The following TNIK variants were observed in gnomAD, a reference collection of about 807,000 sequenced individuals.
TNIK encodes the protein TRAF2 and NCK interacting kinase.
A neutral mutation model predicts 191.3 loss-of-function variants in TNIK; 49 were observed. The observed-to-expected ratio is 0.26, with a 90% CI of 0.20 to 0.32. TNIK has a LOEUF of 0.32. Ranked by LOEUF, TNIK falls within the 10% of genes least tolerant of loss-of-function variation. The pLI is 1.00. For synonymous variants in TNIK, 594 were observed against 600.9 expected (o/e 0.99, Z 0.17); for missense variants, 1,155 against 1,702.3 (o/e 0.68, Z 5.66).
intron 7 of TNIK, among the ~76,000 whole-genome samples, chr3:171,177,889 A>G (rs370155594): frequency 1.3e-5 from 2 of 152,170 alleles, no homozygotes; most frequent in East Asian, 1.9e-4. Flanking sequence ...TAGGCAACCA[A>G]TGATCTGCTT....
intron 2 of TNIK, among the ~76,000 whole-genome samples, chr3:171,250,314 G>C (rs542040945): frequency 6.6e-6 from 1 of 152,186 alleles, no homozygotes; most frequent in Non-Finnish European, 1.5e-5. Flanking sequence ...GGTGTTGATG[G>C]ATGGACAGCT....
At chr3:171,398,504 A>C (rs967112327) in intron 1 of TNIK, among the ~76,000 whole-genome samples, 3 of 152,202 alleles carry the variant, frequency 2.0e-5, no homozygotes, top group African/African-American at 7.2e-5. Flanking sequence ...TGACAAAGGA[A>C]TCCAAACTCC....
intron 28 of TNIK, among the ~76,000 whole-genome samples, chr3:171,076,231 C>T (rs142613282): frequency 6.6e-5 from 10 of 152,134 alleles, no homozygotes; most frequent in Admixed American, 6.5e-4. Flanking sequence ...AATATTGTGT[C>T]AAGGTTATCT....
At chr3:171,351,143 G>A (rs1163656699) in intron 2 of TNIK, among the ~76,000 whole-genome samples, 1 of 151,892 alleles carries the variant, frequency 6.6e-6, no homozygotes, top group Non-Finnish European at 1.5e-5. Flanking sequence ...CACCCACCTC[G>A]GCCTCCCAAA....
intron 7 of TNIK, among the ~76,000 whole-genome samples, chr3:171,179,465 T>C (rs570140439): frequency 2.0e-5 from 3 of 151,262 alleles, no homozygotes; most frequent in South Asian, 2.1e-4. Context: ...TTTTTTTTTT[T>C]CTTTGAGACG....
intron 9 of TNIK, among the ~76,000 whole-genome samples, chr3:171,170,154 T>C (rs546934462): frequency 6.6e-6 from 1 of 152,330 alleles, no homozygotes; most frequent in Admixed American, 6.5e-5. Context: ...CTGTCTCTTA[T>C]AAAATAAAAA....
intron 3 of TNIK, among the ~76,000 whole-genome samples, chr3:171,217,747 A>G (rs769102686): frequency 6.6e-6 from 1 of 152,194 alleles, no homozygotes; most frequent in Non-Finnish European, 1.5e-5. Context: ...AATTACGACC[A>G]TGAGAAGTAT....
chr3:171,188,979 C>T, intron 6 of TNIK, 147 bp from the exon 7 acceptor site: 1 of 954,220 alleles, frequency 1.0e-6, no homozygotes, highest in Non-Finnish European at 1.5e-6. Flanking sequence ...TTCTGGGGCA[C>T]TAAGCACATC....
At chr3:171,103,345 GT>G (rs1723929240) in intron 21 of TNIK, among the ~76,000 whole-genome samples, 1 of 152,074 alleles carries the variant, frequency 6.6e-6, no homozygotes, top group African/African-American at 2.4e-5. Context: ...TAGGTATAAT[GT>G]TATGCAAATT....
chr3:171,306,597 T>C (rs1026622678), intron 2 of TNIK, among the ~76,000 whole-genome samples: 2 of 152,168 alleles, frequency 1.3e-5, no homozygotes, highest in African/African-American at 4.8e-5. Context: ...ATCTTTCCAT[T>C]TCAGTGACCA....
At chr3:171,433,809 G>A (rs1459598579) in intron 1 of TNIK, among the ~76,000 whole-genome samples, 1 of 151,586 alleles carries the variant, frequency 6.6e-6, no homozygotes, top group Non-Finnish European at 1.5e-5. Context: ...ATTAATTCAG[G>A]CCTTTAGTAT....
At chr3:171,064,107 CT>C in intron 32 of TNIK, 143 bp from the exon 33 acceptor site, 1 of 698,830 alleles carries the variant, frequency 1.4e-6, no homozygotes, top group Non-Finnish European at 2.4e-6. Flanking sequence ...TATAAAGTCC[CT>C]TTGGATATCG....
intron 26 of TNIK, chr3:171,082,736 C>T (rs941567425): frequency 4.9e-6 from 1 of 204,684 alleles, no homozygotes; most frequent in African/African-American, 2.3e-5. Context: ...TCTTTCTTGG[C>T]TCTCCCTATA....
intron 5 of TNIK, among the ~76,000 whole-genome samples, 200 bp downstream of exon 5, chr3:171,194,325 G>A (rs1738399497): frequency 6.6e-6 from 1 of 152,032 alleles, no homozygotes; most frequent in Non-Finnish European, 1.5e-5. Context: ...CTCCAGAATG[G>A]CGCTCACTTC....
At chr3:171,320,703 T>C (rs74352542) in intron 2 of TNIK, among the ~76,000 whole-genome samples, 3,942 of 152,348 alleles carry the variant, frequency 0.026, 164 homozygotes, top group African/African-American at 0.09. Flanking sequence ...AACAAAATAC[T>C]AATAATCCCA....
chr3:171,322,726 G>A (rs1755292587), intron 2 of TNIK, among the ~76,000 whole-genome samples: 1 of 152,018 alleles, frequency 6.6e-6, no homozygotes, highest in African/African-American at 2.4e-5. Context: ...CCTCATTTCA[G>A]TGCTCAGGAA....
At chr3:171,384,394 C>G (rs976709209) in intron 1 of TNIK, among the ~76,000 whole-genome samples, 2 of 152,224 alleles carry the variant, frequency 1.3e-5, no homozygotes, top group Non-Finnish European at 2.9e-5. Flanking sequence ...GCACCCATGA[C>G]CATCCAACTC....
At chr3:171,430,609 G>A (rs1725246844) in intron 1 of TNIK, among the ~76,000 whole-genome samples, 1 of 138,744 alleles carries the variant, frequency 7.2e-6, no homozygotes, top group South Asian at 2.2e-4. Flanking sequence ...ACTGCATTCA[G>A]CCCTGGCCCA....
intron 2 of TNIK, among the ~76,000 whole-genome samples, chr3:171,329,157 G>A (rs1756133464): frequency 6.6e-6 from 1 of 152,070 alleles, no homozygotes; most frequent in East Asian, 1.9e-4. Context: ...TTCACTATCT[G>A]ACACGTTAAC....
Sources: gnomAD v4.1 joint callset for allele counts (sites outside exome capture counted in the v4.1 genomes callset) on GRCh38, gnomAD v4.1.1 for gene constraint, MANE v1.5 for transcripts, NCBI Gene and HGNC (gene_info 2026-07-23, HGNC 2026-07-21) for gene names.